Variants in GNB2 observed in about 807,000 individuals in gnomAD.
GNB2 encodes G protein subunit beta 2, also known as guanine nucleotide-binding protein G(I)/G(S)/G(T) subunit beta-2.
A neutral mutation model predicts 40.7 loss-of-function variants in GNB2; 7 were observed. The ratio of observed to expected loss-of-function variants is 0.17; its 90% CI spans 0.10 to 0.32. The LOEUF (loss-of-function observed/expected upper bound fraction) is 0.32. Ranked by LOEUF, GNB2 falls within the 10% of genes least tolerant of loss-of-function variation. The pLI is 1.00. For missense variants in GNB2, 286 were observed against 473.0 expected (o/e 0.60, Z 3.67); for synonymous variants, 254 against 191.2 (o/e 1.33, Z -2.71).
Position 100,679,050 on chromosome 7 carries a change from C to G in GNB2, c.*249C>G, listed in dbSNP as rs986208962. ...CTGCCCTGGGGTTGGGGCCTCACCCCTCTGGAGGGCCGGAGGCAGGAGGTG... is the reference window on the plus strand; with the variant it reads ...CTGCCCTGGGGTTGGGGCCTCACCCGTCTGGAGGGCCGGAGGCAGGAGGTG... On this transcript the variant is annotated 3_prime_UTR_variant, in exon 10 of 10. Coordinates refer to ENST00000303210, the MANE Select transcript of GNB2 (RefSeq NM_005273.4). 2.1e-6 allele frequency: 1 copy of G among 473,026 alleles called. No homozygotes were observed. The highest frequency in any genetic ancestry group is 2.0e-5 in the African/African-American group (1 of 51,250). The allele number at this position is 473,026 out of a possible 1,614,324, so 29.3% of individuals were successfully genotyped here. A position where few individuals can be genotyped will look rare whatever the true frequency, so the allele number is the denominator to read the frequency against.
rs1466246860 is a variant in GNB2, at chr7:100,676,578, G to GGA, written c.96+6_96+7insAG. ...GGGGACTCAACACTGACCCAGGTGA[G>GGA]GGCACTTGGTGGCCAGAGCGTAACT... On this transcript the variant is annotated splice_donor_region_variant and intron_variant, in intron 3 of 9. Transcript: ENST00000303210. The GGA allele has an allele frequency of 6.2e-7, 1 of 1,608,494 alleles. No homozygotes were observed. Among genetic ancestry groups the GGA allele is most frequent in the Non-Finnish European group, 8.5e-7 (1 of 1,174,926 alleles).
chr7:100,676,739 G>A lies in GNB2; in HGVS notation c.143G>A (p.Arg48Gln), dbSNP rs1183974084. Residue 48 changes from arginine to glutamine, a missense_variant, in exon 4 of 10, where the codon CGG (arginine) becomes CAG (glutamine). Coordinates refer to ENST00000303210, the MANE Select transcript of GNB2 (RefSeq NM_005273.4). Reference sequence around the variant, plus strand: ...GTGGGGAGAATCCAGATGAGGACCCGGAGGACCCTCCGTGGGCACCTGGCA... The same window carrying A: ...GTGGGGAGAATCCAGATGAGGACCCAGAGGACCCTCCGTGGGCACCTGGCA... ...DPVGRIQMRTRRTLRGHLAKI... is the reference protein window; with the variant it reads ...DPVGRIQMRTQRTLRGHLAKI... 6.2e-7 allele frequency: 1 copy of A among 1,609,344 alleles called. No individual in the cohort carries two copies. Among genetic ancestry groups the A allele is most frequent in the Non-Finnish European group, 8.5e-7 (1 of 1,177,930 alleles).
In GNB2 at chr7:100,678,912, C is replaced by A. The variant is rs1164926939; in HGVS notation, c.*111C>A. On this transcript the variant is annotated 3_prime_UTR_variant, in exon 10 of 10. Transcript: ENST00000303210. ...CAGCCCCCTTCCCCGGGCCACGGGG[C>A]CTTGGGTCCCTGCCCTCCCACCCAG... The A allele has an allele frequency of 5.0e-6, 4 of 804,136 alleles. No individual in the cohort carries two copies. The highest frequency in any genetic ancestry group is 8.0e-6 in the Non-Finnish European group (4 of 501,464). 49.8% of individuals were successfully genotyped at this position (804,136 alleles called of 1,614,324 possible).
intron 7 of GNB2, 28 bp from the exon 8 acceptor site, chr7:100,678,070 C>G (rs766442414): frequency 1.3e-6 from 2 of 1,571,478 alleles, no homozygotes; most frequent in African/African-American, 1.3e-5. Context: ...TGTCTCTTAT[C>G]TTTTCTTTCT....
chr7:100,677,289 G>A, intron 4 of GNB2, 63 bp from the exon 5 acceptor site: 3 of 1,336,160 alleles, frequency 2.2e-6, no homozygotes, highest in Admixed American at 1.7e-5. Flanking sequence ...CCCACCCAAA[G>A]GGAAGGGGGT....
At chr7:100,674,020 G>C (rs1225764242) in intron 1 of GNB2, 97 bp downstream of exon 1, 2 of 154,062 alleles carry the variant, frequency 1.3e-5, no homozygotes, top group Non-Finnish European at 2.9e-5. Context: ...GGCCTCCTGG[G>C]AGCGGACGTA....
Position 100,678,496 on chromosome 7 carries a change from T to C in GNB2, c.798T>C (p.His266=), listed in dbSNP as rs1344923971. 7 of 1,613,754 alleles carry C rather than the reference T, an allele frequency of 4.3e-6. No homozygotes were observed. In the Admixed American group the frequency reaches 1.0e-4, roughly 23 times the overall value. ...RADQELLMYS[H]DNIICGITSV... ...ATCAGGAGCTCCTCATGTACTCCCATGACAACATCATCTGTGGCATCACCT... is the reference window on the plus strand; with the variant it reads ...ATCAGGAGCTCCTCATGTACTCCCACGACAACATCATCTGTGGCATCACCT... The change falls in exon 9 of 10, where the codon CAT becomes CAC. Residue 266 remains histidine, a synonymous_variant. Transcript: ENST00000303210.
At chr7:100,674,779 C>A (rs1250384815) in intron 1 of GNB2, among the ~76,000 whole-genome samples, 1 of 152,204 alleles carries the variant, frequency 6.6e-6, no homozygotes, top group African/African-American at 2.4e-5. Flanking sequence ...GTCGCCCCCG[C>A]CCCCAGTTTC....
chr7:100,676,580 G>A lies in GNB2; in HGVS notation c.96+7G>A, dbSNP rs762772879. On this transcript the variant is annotated splice_region_variant and intron_variant, in intron 3 of 9. Coordinates refer to ENST00000303210, the MANE Select transcript of GNB2 (RefSeq NM_005273.4). ...GGACTCAACACTGACCCAGGTGAGG[G>A]CACTTGGTGGCCAGAGCGTAACTAG... is the stretch of plus-strand genomic sequence containing the variant. 6.2e-7 allele frequency: 1 copy of A among 1,606,784 alleles called. No homozygotes were observed. The highest frequency in any genetic ancestry group is 8.5e-7 in the Non-Finnish European group (1 of 1,173,270).
rs151109351 is a variant in GNB2 at position 100,678,577 on chromosome 7, C to T, written c.879C>T (p.Asn293=). The change falls in exon 9 of 10, where the codon AAC becomes AAT. Residue 293 remains asparagine, a synonymous_variant. Coordinates refer to ENST00000303210, the MANE Select transcript of GNB2 (RefSeq NM_005273.4). ...TGCTCGCTGGCTACGACGACTTCAACTGCAACATCTGGGATGCCATGAAGG... is the reference window on the plus strand; with the variant it reads ...TGCTCGCTGGCTACGACGACTTCAATTGCAACATCTGGGATGCCATGAAGG... ...RLLLAGYDDF[N]CNIWDAMKGD... 1.2e-5 allele frequency: 19 copies of T among 1,613,708 alleles called. No individual in the cohort carries two copies. Among genetic ancestry groups the T allele is most frequent in the Non-Finnish European group, 1.5e-5 (18 of 1,179,992 alleles).
In GNB2 at chr7:100,676,309, G is replaced by A. The variant is rs868688384; in HGVS notation, c.44G>A (p.Arg15Gln). ...EQLRQEAEQL[R>Q]NQIRDARKAC... ...CTGAGACAGGAGGCCGAGCAGCTCCGGAACCAGATCCGGGTGAGGGCCTGG... is the reference window on the plus strand; with the variant it reads ...CTGAGACAGGAGGCCGAGCAGCTCCAGAACCAGATCCGGGTGAGGGCCTGG... The change falls in exon 2 of 10, where the codon CGG becomes CAG. Residue 15 changes from arginine to glutamine, a missense_variant. Arg to Gln is a conservative substitution (Grantham distance 43). Transcript: ENST00000303210. 6.2e-7 allele frequency: 1 copy of A among 1,607,136 alleles called. No individual in the cohort carries two copies. The highest frequency in any genetic ancestry group is 1.7e-5 in the Admixed American group (1 of 59,444).
rs138290543 is a variant in GNB2, at chr7:100,676,799, GGT to G, written c.203+12_203+13del. ...GCCATGCACTGGGGGACCGACTCAA[GGT>G]GTGTGTGTGTGCGCGGGCTGGCGCT... is the stretch of plus-strand genomic sequence containing the variant. On this transcript the variant is annotated splice_donor_variant, in intron 4 of 9. Transcript: ENST00000303210. LOFTEE classifies it high-confidence loss of function. 2.2e-4 allele frequency: 339 copies of G among 1,553,318 alleles called. No individual in the cohort carries two copies. Among genetic ancestry groups the G allele is most frequent in the South Asian group, 2.6e-4 (23 of 86,976 alleles).
In GNB2 at chr7:100,678,690, C is replaced by T. The variant is rs1312866712; in HGVS notation, c.917-5C>T. On this transcript the variant is annotated splice_polypyrimidine_tract_variant and splice_region_variant and intron_variant, in intron 9 of 9. Coordinates refer to ENST00000303210, the MANE Select transcript of GNB2 (RefSeq NM_005273.4). ...AATGGGTTCTGACTTCTCTCTTCTTCACAGGAGTCCTCGCTGGCCACGACA... is the reference window on the plus strand; with the variant it reads ...AATGGGTTCTGACTTCTCTCTTCTTTACAGGAGTCCTCGCTGGCCACGACA... 9 of 1,612,542 alleles carry T rather than the reference C, an allele frequency of 5.6e-6. No individual in the cohort carries two copies. The Admixed American group carries it at 8.3e-5, about 15-fold the overall frequency.
Position 100,677,243 on chromosome 7 carries a change from C to T in GNB2, c.204-109C>T, listed in dbSNP as rs1804370337. ...AGTGAGCTGTGATGGTGCCACTGCA[C>T]TCCAGCCTGCACAACAGAGAGAGAC... On this transcript the variant is annotated intron_variant, in intron 4 of 9. Coordinates refer to ENST00000303210, the MANE Select transcript of GNB2 (RefSeq NM_005273.4). The T allele has an allele frequency of 3.2e-5, 27 of 833,240 alleles. No homozygotes were observed. In the South Asian group the frequency reaches 4.0e-4, roughly 12 times the overall value. 51.6% of individuals were successfully genotyped at this position (833,240 alleles called of 1,614,324 possible).
Position 100,676,323 on chromosome 7 carries a change from G to T in GNB2, c.57+1G>T. 1 of 1,603,732 alleles carries T rather than the reference G, an allele frequency of 6.2e-7. No homozygotes were observed. ...CGAGCAGCTCCGGAACCAGATCCGG[G>T]TGAGGGCCTGGTGCGGGGCGGGCGA... On this transcript the variant is annotated splice_donor_variant, in intron 2 of 9. Coordinates refer to ENST00000303210, the MANE Select transcript of GNB2 (RefSeq NM_005273.4). LOFTEE classifies it high-confidence loss of function.
Position 100,678,470 on chromosome 7 carries a change from G to T in GNB2, c.772G>T (p.Asp258Tyr), listed in dbSNP as rs769547114. 6.2e-7 allele frequency: 1 copy of T among 1,613,774 alleles called. No homozygotes were observed. Among genetic ancestry groups the T allele is most frequent in the South Asian group, 1.1e-5 (1 of 91,084 alleles). The change falls in exon 9 of 10, where the codon GAT (aspartate) becomes TAT (tyrosine). Residue 258 changes from aspartate to tyrosine, a missense_variant. Physicochemically the swap from Asp to Tyr is radical, Grantham distance 160. Transcript: ENST00000303210. ...GTGCCGCCTCTTCGACCTGCGGGCC[G>T]ATCAGGAGCTCCTCATGTACTCCCA... ...ATCRLFDLRA[D>Y]QELLMYSHDN... is the part of the protein sequence containing the mutation.
chr7:100,678,056 G>T (rs769033152), intron 7 of GNB2, 42 bp from the exon 8 acceptor site: 3 of 1,493,436 alleles, frequency 2.0e-6, no homozygotes, highest in Non-Finnish European at 2.8e-6. Flanking sequence ...TCTGTTCTTC[G>T]CCCTGTCTCT....
intron 7 of GNB2, 120 bp from the exon 8 acceptor site, chr7:100,677,978 C>CT: frequency 2.9e-6 from 3 of 1,045,254 alleles, no homozygotes; most frequent in Non-Finnish European, 4.3e-6. Context: ...ACCTAAGGCT[C>CT]TGAGAAGAGC....
At chr7:100,675,952 C>T (rs1804337605) in intron 1 of GNB2, 1 of 390,960 alleles carries the variant, frequency 2.6e-6, no homozygotes, top group Non-Finnish European at 4.6e-6. Context: ...TGCGCTTCCT[C>T]TTGCACTTCC....
Sources: allele counts gnomAD v4.1 joint callset (sites outside exome capture counted in the v4.1 genomes callset), GRCh38; gene constraint gnomAD v4.1.1; transcripts MANE v1.5; gene names NCBI Gene and HGNC (gene_info 2026-07-23, HGNC 2026-07-21).